The following LOC128462377 variants were observed in gnomAD, a reference collection of about 807,000 sequenced individuals.
the LOC128462377 span, among the ~76,000 whole-genome samples, chr16:89,336,499 A>G: frequency 1.3e-5 from 2 of 152,260 alleles, no homozygotes; most frequent in Non-Finnish European, 2.9e-5. Flanking sequence ...CTCCTGTAGC[A>G]GGACATTGCC....
chr16:89,385,701 C>T, the LOC128462377 span, among the ~76,000 whole-genome samples: 3 of 152,268 alleles, frequency 2.0e-5, no homozygotes, highest in Non-Finnish European at 4.4e-5. Context: ...CAGTCCATCA[C>T]GTACAGTCTG....
chr16:89,329,735 A>G, the LOC128462377 span, among the ~76,000 whole-genome samples: 23 of 152,338 alleles, frequency 1.5e-4, no homozygotes, highest in African/African-American at 5.5e-4. Context: ...TAAATATAAA[A>G]TGAGACTGGG....
At chr16:89,375,132 G>A in the LOC128462377 span, among the ~76,000 whole-genome samples, 3 of 152,004 alleles carry the variant, frequency 2.0e-5, no homozygotes, top group Admixed American at 6.6e-5. Flanking sequence ...AACTCAGTGC[G>A]GGACATACCA....
the LOC128462377 span, among the ~76,000 whole-genome samples, chr16:89,374,605 A>T: frequency 6.6e-6 from 1 of 152,232 alleles, no homozygotes; most frequent in East Asian, 1.9e-4. Flanking sequence ...GAGCAACCTC[A>T]GGAGAGCTGT....
At chr16:89,339,175 C>A in the LOC128462377 span, among the ~76,000 whole-genome samples, 1 of 152,364 alleles carries the variant, frequency 6.6e-6, no homozygotes, top group East Asian at 1.9e-4. Flanking sequence ...CTAGAAACTT[C>A]TTCCTGTGAT....
the LOC128462377 span, among the ~76,000 whole-genome samples, chr16:89,363,801 G>A: frequency 6.6e-6 from 1 of 152,106 alleles, no homozygotes; most frequent in African/African-American, 2.4e-5. Context: ...CATGCCTGGA[G>A]CACAGCACTT....
At chr16:89,346,672 G>A in the LOC128462377 span, among the ~76,000 whole-genome samples, 5 of 152,140 alleles carry the variant, frequency 3.3e-5, no homozygotes, top group East Asian at 1.9e-4. Context: ...TAGGAATTTC[G>A]AATATTCAAA....
At chr16:89,377,833 C>T in the LOC128462377 span, among the ~76,000 whole-genome samples, 2 of 152,206 alleles carry the variant, frequency 1.3e-5, no homozygotes, top group Admixed American at 1.3e-4. Context: ...ATGCGCCTGC[C>T]TCTCCTGCCT....
At chr16:89,370,373 T>G in the LOC128462377 span, among the ~76,000 whole-genome samples, 2 of 152,080 alleles carry the variant, frequency 1.3e-5, no homozygotes, top group Admixed American at 1.3e-4. Context: ...GCCCGGTACC[T>G]GCCCCAGCCA....
chr16:89,387,692 G>GAAAAAAA, the LOC128462377 span, among the ~76,000 whole-genome samples: 9 of 67,506 alleles, frequency 1.3e-4, no homozygotes, highest in East Asian at 9.5e-4. Flanking sequence ...AAAAGAAAAA[G>GAAAAAAA]AAAAAAAAAA....
At chr16:89,351,941 C>T in the LOC128462377 span, among the ~76,000 whole-genome samples, 2 of 152,200 alleles carry the variant, frequency 1.3e-5, no homozygotes, top group African/African-American at 4.8e-5. Flanking sequence ...GAGACAGTCT[C>T]ACTCTGTCGC....
At chr16:89,393,275 A>G in the LOC128462377 span, among the ~76,000 whole-genome samples, 1 of 151,806 alleles carries the variant, frequency 6.6e-6, no homozygotes, top group African/African-American at 2.4e-5. Flanking sequence ...TGTACACATT[A>G]AACTTTAGTT....
the LOC128462377 span, chr16:89,323,992 A>C: frequency 8.9e-6 from 2 of 224,820 alleles, no homozygotes; most frequent in South Asian, 5.4e-5. Flanking sequence ...CACAGGTTCA[A>C]ACCAAACCCC....
chr16:89,321,714 G>C, the LOC128462377 span, among the ~76,000 whole-genome samples: 2 of 151,626 alleles, frequency 1.3e-5, no homozygotes, highest in African/African-American at 4.9e-5. Flanking sequence ...AAAAAAAAAA[G>C]ACTTCTTTGG....
At chr16:89,385,020 G>A in the LOC128462377 span, among the ~76,000 whole-genome samples, 8 of 149,238 alleles carry the variant, frequency 5.4e-5, no homozygotes, top group Non-Finnish European at 1.2e-4. Context: ...CAAGTAGCTG[G>A]AACTACAGGC....
chr16:89,369,874 G>C, the LOC128462377 span, among the ~76,000 whole-genome samples: 3 of 152,198 alleles, frequency 2.0e-5, no homozygotes, highest in Non-Finnish European at 4.4e-5. Flanking sequence ...ACTGCTCCCT[G>C]TTCTTTCTTA....
chr16:89,334,431 C>T, the LOC128462377 span, among the ~76,000 whole-genome samples: 1 of 152,148 alleles, frequency 6.6e-6, no homozygotes, highest in Non-Finnish European at 1.5e-5. Flanking sequence ...GCCTGCCATT[C>T]TCTGAGGAGT....
At chr16:89,360,056 C>T in the LOC128462377 span, among the ~76,000 whole-genome samples, 42 of 152,106 alleles carry the variant, frequency 2.8e-4, no homozygotes, top group African/African-American at 8.2e-4. Flanking sequence ...TCCCTCCTCC[C>T]GCCCTCTCCC....
At chr16:89,363,822 C>T in the LOC128462377 span, among the ~76,000 whole-genome samples, 4 of 151,942 alleles carry the variant, frequency 2.6e-5, no homozygotes, top group Admixed American at 1.3e-4. Context: ...CAGGAGGCTG[C>T]GGCAAGGAGG....
Sources: gnomAD v4.1 joint callset for allele counts (sites outside exome capture counted in the v4.1 genomes callset) on GRCh38, gnomAD v4.1.1 for gene constraint, MANE v1.5 for transcripts.